Variants in CHRNB1 observed in about 807,000 individuals in gnomAD.
CHRNB1 encodes the protein acetylcholine receptor subunit beta.
CHRNB1 carries 47 observed loss-of-function variants against 53.8 expected under a neutral mutation model. The ratio of observed to expected loss-of-function variants is 0.87; its 90% confidence interval spans 0.69 to 1.11. The LOEUF is 1.11. CHRNB1 is among the 50% of genes most tolerant of loss of function. The pLI is 0.00. For missense variants in CHRNB1, 605 were observed against 654.9 expected (o/e 0.92, Z 0.83); for synonymous variants, 259 against 263.5 (o/e 0.98, Z 0.16).
Position 7,445,736 on chromosome 17 carries a change from T to C in CHRNB1, c.198+327T>C. 1.2e-6 allele frequency: 1 copy of C among 813,482 alleles called. No individual in the cohort carries two copies. Among genetic ancestry groups the C allele is most frequent in the South Asian group, 1.8e-5 (1 of 54,806 alleles). 50.4% of individuals were successfully genotyped at this position (813,482 alleles called of 1,614,324 possible). ...CTGAGTGCCCAGGGTGGGGCGGAGC[T>C]TGGTGCTCAGGGGTCAATAAATGGC... On this transcript the variant is annotated intron_variant, in intron 2 of 10. Coordinates refer to ENST00000306071, the MANE Select transcript of CHRNB1 (RefSeq NM_000747.3). The surrounding 1 kb of genome is among the most constrained non-coding windows in gnomAD (Gnocchi z 5.7).
At chr17:7,454,952 G>A (rs957647154) in intron 8 of CHRNB1, among the ~76,000 whole-genome samples, 1 of 151,684 alleles carries the variant, frequency 6.6e-6, no homozygotes, top group Non-Finnish European at 1.5e-5. Context: ...ACAGGCACCC[G>A]CCACCACGCC....
At chr17:7,452,554 C>T (rs1908927886) in intron 7 of CHRNB1, among the ~76,000 whole-genome samples, 1 of 152,200 alleles carries the variant, frequency 6.6e-6, no homozygotes, top group African/African-American at 2.4e-5. Flanking sequence ...AGAACAGGAA[C>T]AGGGCAGATG....
chr17:7,454,905 C>T (rs1352983305), intron 8 of CHRNB1, among the ~76,000 whole-genome samples: 5 of 147,098 alleles, frequency 3.4e-5, no homozygotes, highest in Admixed American at 2.1e-4. Flanking sequence ...CAGGTTCCAG[C>T]GATTCTCCTG....
intron 3 of CHRNB1, chr17:7,446,319 GTGTGTGTC>G (rs747158337): frequency 0.081 from 21,676 of 268,380 alleles, 29 homozygotes; most frequent in Non-Finnish European, 0.088. Flanking sequence ...GTGTGTGTGT[GTGTGTGTC>G]TGTGTGTGTG....
Position 7,446,329 on chromosome 17 carries a change from G to GTC in CHRNB1, c.243+217_243+218insCT, listed in dbSNP as rs5819159. The GTC allele has an allele frequency of 0.098, 17,418 of 177,698 alleles. 257 individuals are homozygous for GTC. Among genetic ancestry groups the GTC allele is most frequent in the East Asian group, 0.11 (972 of 8,676 alleles). 11.0% of individuals were successfully genotyped at this position (177,698 alleles called of 1,614,324 possible). On this transcript the variant is annotated intron_variant, in intron 3 of 10. Coordinates refer to ENST00000306071, the MANE Select transcript of CHRNB1 (RefSeq NM_000747.3). The stretch of plus-strand genomic sequence containing the variant: ...TGTGTGTGTGTGTGTGTGTGTGTCT[G>GTC]TGTGTGTGTGTGTGTGTGTGTGTGT...
At chr17:7,455,635 A>C (rs2150843184) in intron 9 of CHRNB1, 159 bp from the exon 10 acceptor site, 1 of 1,227,726 alleles carries the variant, frequency 8.1e-7, no homozygotes, top group East Asian at 2.3e-5. Flanking sequence ...GCGGTGGAAG[A>C]AGTTGCACAA....
chr17:7,447,749 G>T (rs1220583970), intron 6 of CHRNB1, 99 bp downstream of exon 6: 7 of 1,451,260 alleles, frequency 4.8e-6, no homozygotes, highest in Non-Finnish European at 5.8e-6. Context: ...AGCCCTGTGG[G>T]GTCAGCAGGA....
chr17:7,446,126 C>G lies in CHRNB1; in HGVS notation c.243+13C>G, dbSNP rs1349899032. The stretch of plus-strand genomic sequence containing the variant: ...GTACTTAGACCTGGTATGGAGACCC[C>G]ACGGGGTGGGAAAGGGCTTCCCTCT... On this transcript the variant is annotated intron_variant, in intron 3 of 10. Transcript: ENST00000306071. 6.2e-7 allele frequency: 1 copy of G among 1,612,366 alleles called. No individual in the cohort carries two copies. The highest frequency in any genetic ancestry group is 8.5e-7 in the Non-Finnish European group (1 of 1,178,448).
Position 7,446,894 on chromosome 17 carries a change from G to T in CHRNB1, c.305G>T (p.Arg102Leu), listed in dbSNP as rs201915086. Residue 102 changes from arginine (R) to leucine (L), a missense_variant, in exon 4 of 11, where the codon CGC (arginine) becomes CTC (leucine). Physicochemically the swap from Arg to Leu is moderately radical, Grantham distance 102. Coordinates refer to ENST00000306071, the MANE Select transcript of CHRNB1 (RefSeq NM_000747.3). ...GAGCACGACGGCATCGATTCGCTCC[G>T]CATCACGGCGGAATCCGTGTGGCTC... The part of the protein sequence containing the change: ...PAEHDGIDSL[R>L]ITAESVWLPD... The T allele has an allele frequency of 3.1e-6, 5 of 1,613,932 alleles. No homozygotes were observed. The highest frequency in any genetic ancestry group is 3.3e-4 in the Middle Eastern group (2 of 6,054).
In CHRNB1 at chr17:7,448,561, C is replaced by T. The variant is rs1250285171; in HGVS notation, c.611-18C>T. On this transcript the variant is annotated intron_variant, in intron 6 of 10. Transcript: ENST00000306071. The stretch of plus-strand genomic sequence containing the variant: ...ACAGCTCTCACATCTGTGTTCCCCT[C>T]CTTCTGCTCATCCCCAGAGAATGGC... 5 of 1,613,340 alleles carry T rather than the reference C, an allele frequency of 3.1e-6. No homozygotes were observed. The highest frequency in any genetic ancestry group is 1.3e-5 in the African/African-American group (1 of 74,906).
intron 7 of CHRNB1, among the ~76,000 whole-genome samples, chr17:7,452,642 C>G (rs539963507): frequency 1.3e-5 from 2 of 152,312 alleles, no homozygotes; most frequent in Admixed American, 1.3e-4. Flanking sequence ...AGTTACCACC[C>G]CTTTGGCAAT....
chr17:7,451,942 ACC>A (rs1908903582), intron 7 of CHRNB1, among the ~76,000 whole-genome samples: 1 of 151,848 alleles, frequency 6.6e-6, no homozygotes, highest in Admixed American at 6.6e-5. Flanking sequence ...CTAGAGGGCC[ACC>A]CCAGCCCTGG....
chr17:7,446,867 C>A lies in CHRNB1; in HGVS notation c.278C>A (p.Ala93Glu). 1.9e-6 allele frequency: 3 copies of A among 1,613,810 alleles called. No individual in the cohort carries two copies. The highest frequency in any genetic ancestry group is 1.3e-5 in the African/African-American group (1 of 75,042). Residue 93 changes from alanine to glutamate, a missense_variant, in exon 4 of 11, where the codon GCG becomes GAG. Ala to Glu is a moderately radical substitution (Grantham distance 107). Transcript: ENST00000306071. The stretch of plus-strand genomic sequence containing the variant: ...GACTACAGGCTGAGCTGGGACCCTG[C>A]GGAGCACGACGGCATCGATTCGCTC... ...WTDYRLSWDPAEHDGIDSLRI... is the reference protein window; with the variant it reads ...WTDYRLSWDPEEHDGIDSLRI...
rs1189874423 is a variant in CHRNB1, at chr17:7,457,451, T to C, written c.*728T>C. On this transcript the variant is annotated 3_prime_UTR_variant, in exon 11 of 11. Transcript: ENST00000306071. Reference sequence around the variant, plus strand: ...AGTAAATACAGCAATTAATAATGTTTATAAGCTGGGCATGGTCGCTCAGGC... The same window carrying C: ...AGTAAATACAGCAATTAATAATGTTCATAAGCTGGGCATGGTCGCTCAGGC... 1.3e-5 allele frequency: 2 copies of C among 152,192 alleles called. No individual in the cohort carries two copies. Among genetic ancestry groups the C allele is most frequent in the South Asian group, 2.1e-4 (1 of 4,826 alleles). The allele number at this position is 152,192 out of a possible 1,614,324, so 9.4% of individuals were successfully genotyped here. A position where few individuals can be genotyped will look rare whatever the true frequency, so the allele number is the denominator to read the frequency against.
rs1597756312 is a variant in CHRNB1 at position 7,457,127 on chromosome 17, G to A, written c.*404G>A. Reference sequence around the variant, plus strand: ...GAGGTCGGGAGTTTGAGACCAGCCCGACCAACATGGAGAAACCCTGTCTCT... The same window carrying A: ...GAGGTCGGGAGTTTGAGACCAGCCCAACCAACATGGAGAAACCCTGTCTCT... On this transcript the variant is annotated 3_prime_UTR_variant, in exon 11 of 11. Transcript: ENST00000306071. The A allele has an allele frequency of 1.3e-5, 3 of 234,698 alleles. No individual in the cohort carries two copies. The highest frequency in any genetic ancestry group is 4.9e-5 in the South Asian group (1 of 20,406). The allele number at this position is 234,698 out of a possible 1,614,324, so 14.5% of individuals were successfully genotyped here.
chr17:7,447,221 C>A, intron 5 of CHRNB1, 70 bp downstream of exon 5: 1 of 1,289,528 alleles, frequency 7.8e-7, no homozygotes, highest in Non-Finnish European at 1.1e-6. Context: ...CATCCTGACT[C>A]CCCGGCGACT....
intron 7 of CHRNB1, among the ~76,000 whole-genome samples, chr17:7,450,122 G>A (rs886419927): frequency 6.7e-6 from 1 of 150,298 alleles, no homozygotes; most frequent in Non-Finnish European, 1.5e-5. Context: ...AGCAAAATAG[G>A]ATAACTTTTG....
chr17:7,447,266 C>T, intron 5 of CHRNB1, 115 bp downstream of exon 5: 1 of 973,182 alleles, frequency 1.0e-6, no homozygotes, highest in Non-Finnish European at 1.6e-6. Context: ...ATCTAATCCC[C>T]ATGACCCTCA....
chr17:7,447,439 C>A (rs956589426), intron 5 of CHRNB1, 64 bp from the exon 6 acceptor site: 2 of 1,599,562 alleles, frequency 1.3e-6, no homozygotes, highest in African/African-American at 2.7e-5. Flanking sequence ...CCCCAAAGAC[C>A]TCCCAAACTC....
Sources: gnomAD v4.1 joint callset for allele counts (sites outside exome capture counted in the v4.1 genomes callset) on GRCh38, gnomAD v4.1.1 for gene constraint, Gnocchi (gnomAD v3.1) non-coding constraint, MANE v1.5 for transcripts, NCBI Gene and HGNC (gene_info 2026-07-23, HGNC 2026-07-21) for gene names.